ANKRD12: variants seen among roughly 807,000 people sequenced by gnomAD.
The protein encoded by ANKRD12 is ankyrin repeat domain-containing protein 12.
In ANKRD12, 85 loss-of-function variants were observed where a neutral mutation model predicts 183.4. The ratio of observed to expected loss-of-function variants is 0.46; its 90% CI spans 0.39 to 0.56. The LOEUF is 0.56. Among genes scored for constraint, ANKRD12 ranks in the 20% least tolerant of loss-of-function variants. ANKRD12 has a pLI of 0.00. For synonymous variants in ANKRD12, 914 were observed against 800.2 expected (o/e 1.14, Z -2.40); for missense variants, 2,405 against 2,357.1 (o/e 1.02, Z -0.42).
rs200351682 is a variant in ANKRD12 at position 9,241,891 on chromosome 18, G to GTT, written c.944-12307_944-12306dup. ...GCCCAAGAGTTTTAAATTCCAGGTA[G>GTT]TTTTTTTTTTTTTTCAAAAGAAAAA... On this transcript the variant is annotated intron_variant, in intron 8 of 12. Coordinates refer to ENST00000262126, the MANE Select transcript of ANKRD12 (RefSeq NM_015208.5). Among the ~76,000 whole-genome samples, 982 of 138,564 alleles carry GTT rather than the reference G, an allele frequency of 7.1e-3. 7 individuals are homozygous for GTT. Among genetic ancestry groups the GTT allele is most frequent in the Middle Eastern group, 0.019 (5 of 264 alleles). The allele number at this position is 138,564 out of a possible 152,430, so 90.9% of individuals were successfully genotyped here. A position where few individuals can be genotyped will look rare whatever the true frequency, so the allele number is the denominator to read the frequency against.
intron 2 of ANKRD12, among the ~76,000 whole-genome samples, chr18:9,188,322 A>G (rs1243529302): frequency 6.6e-6 from 1 of 152,204 alleles, no homozygotes; most frequent in African/African-American, 2.4e-5. Context: ...AGAAGGAGAC[A>G]TTATTACACT....
chr18:9,181,921 GAAAAT>G (rs1375996060), intron 1 of ANKRD12, among the ~76,000 whole-genome samples: 1 of 151,694 alleles, frequency 6.6e-6, no homozygotes, highest in African/African-American at 2.4e-5. Flanking sequence ...GTTCAGTAAA[GAAAAT>G]AAACTACTCT....
chr18:9,265,965 A>G (rs1387075957), intron 10 of ANKRD12, among the ~76,000 whole-genome samples: 3 of 152,216 alleles, frequency 2.0e-5, no homozygotes, highest in Admixed American at 6.5e-5. Context: ...CGAGAACTAC[A>G]TGACGAATGC....
At chr18:9,280,811 C>A in intron 12 of ANKRD12, 130 bp from the exon 13 acceptor site, 1 of 816,770 alleles carries the variant, frequency 1.2e-6, no homozygotes, top group South Asian at 1.7e-5. Context: ...AAGAAATGGA[C>A]TTGTAATTCA....
intron 1 of ANKRD12, among the ~76,000 whole-genome samples, chr18:9,171,163 G>A (rs138234284): frequency 0.011 from 1,625 of 152,240 alleles, 35 homozygotes; most frequent in African/African-American, 0.038. Context: ...GGACCCACTT[G>A]AGGAGGCAGT....
intron 1 of ANKRD12, among the ~76,000 whole-genome samples, chr18:9,162,367 A>G (rs973875164): frequency 6.6e-6 from 1 of 152,180 alleles, no homozygotes; most frequent in Non-Finnish European, 1.5e-5. Flanking sequence ...ATGTCTCTGC[A>G]AAGGACATGA....
At chr18:9,138,926 A>T (rs2078222144) in intron 1 of ANKRD12, among the ~76,000 whole-genome samples, 1 of 152,220 alleles carries the variant, frequency 6.6e-6, no homozygotes, top group South Asian at 2.1e-4. Context: ...TTAACTCGTT[A>T]TGTGTTTTAG....
intron 1 of ANKRD12, among the ~76,000 whole-genome samples, chr18:9,181,839 T>A (rs1415679952): frequency 6.6e-6 from 1 of 152,208 alleles, no homozygotes; most frequent in East Asian, 1.9e-4. Context: ...AAATAATGTA[T>A]ACAGTGGTGA....
chr18:9,193,586 T>G (rs2144372156), intron 2 of ANKRD12, among the ~76,000 whole-genome samples: 1 of 152,322 alleles, frequency 6.6e-6, no homozygotes, highest in African/African-American at 2.4e-5. Context: ...TTTGTTAATT[T>G]ATTTGCTCTT....
Position 9,149,958 on chromosome 18 carries a change from G to A in ANKRD12, c.-52+12993G>A, listed in dbSNP as rs1186176099. Reference sequence around the variant, plus strand: ...CTACAGGCATGCGCCCACCACGCCCGGCTAATTTTTGTATTTTTGGTAGAG... The same window carrying A: ...CTACAGGCATGCGCCCACCACGCCCAGCTAATTTTTGTATTTTTGGTAGAG... On this transcript the variant is annotated intron_variant, in intron 1 of 12. Coordinates refer to ENST00000262126, the MANE Select transcript of ANKRD12 (RefSeq NM_015208.5). Among the ~76,000 whole-genome samples the A allele has an allele frequency of 2.3e-4, 35 of 151,664 alleles. 1 individual carries two copies. Among genetic ancestry groups the A allele is most frequent in the Non-Finnish European group, 4.4e-5 (3 of 67,896 alleles).
chr18:9,154,841 G>T (rs889764924), intron 1 of ANKRD12, among the ~76,000 whole-genome samples: 3 of 152,212 alleles, frequency 2.0e-5, no homozygotes, highest in Non-Finnish European at 4.4e-5. Flanking sequence ...AAGATTAACA[G>T]AAAAGAGTTC....
intron 4 of ANKRD12, among the ~76,000 whole-genome samples, chr18:9,205,327 T>A (rs1202780178): frequency 7.0e-4 from 106 of 152,024 alleles, no homozygotes; most frequent in Non-Finnish European, 8.0e-4. Flanking sequence ...ATATGATTTT[T>A]TTTTAGTCCC....
chr18:9,212,369 A>C (rs747979045), intron 6 of ANKRD12, among the ~76,000 whole-genome samples: 2 of 151,978 alleles, frequency 1.3e-5, no homozygotes, highest in Non-Finnish European at 2.9e-5. Flanking sequence ...TTTATTATAT[A>C]TGTATAAAGC....
In ANKRD12 at chr18:9,258,298, G is replaced by T; in HGVS notation, c.5031G>T (p.Lys1677Asn). 6.2e-7 allele frequency: 1 copy of T among 1,613,714 alleles called. No individual in the cohort carries two copies. Among genetic ancestry groups the T allele is most frequent in the Non-Finnish European group, 8.5e-7 (1 of 1,179,922 alleles). Residue 1677 changes from lysine to asparagine, a missense_variant, in exon 9 of 13, where the codon AAG becomes AAT. By Grantham distance (94) the Lys-to-Asn change is moderately conservative. Coordinates refer to ENST00000262126, the MANE Select transcript of ANKRD12 (RefSeq NM_015208.5). ...CAAAACATTGTCCTGAAAGTGAAAA[G>T]TGTTTGCTTTCCATAGAAGATGAGG... Reference protein sequence around the residue: ...QDPKHCPESEKCLLSIEDEES... With the variant: ...QDPKHCPESENCLLSIEDEES...
In ANKRD12 at chr18:9,182,633, C is replaced by G. The variant is rs563193485; in HGVS notation, c.87+114C>G. The G allele has an allele frequency of 5.7e-5, 32 of 565,804 alleles. No individual in the cohort carries two copies. The South Asian group carries it at 8.6e-4, about 15-fold the overall frequency. 35.0% of individuals were successfully genotyped at this position (565,804 alleles called of 1,614,324 possible). A position where few individuals can be genotyped will look rare whatever the true frequency, so the allele number is the denominator to read the frequency against. ...AAACCAATATGGATGCCAGATAAAT[C>G]CAAACCATTTATGCCCTTTAGAAAT... On this transcript the variant is annotated intron_variant, in intron 2 of 12. Coordinates refer to ENST00000262126, the MANE Select transcript of ANKRD12 (RefSeq NM_015208.5).
At chr18:9,267,581 A>G (rs1405364892) in intron 10 of ANKRD12, among the ~76,000 whole-genome samples, 1 of 152,204 alleles carries the variant, frequency 6.6e-6, no homozygotes, top group African/African-American at 2.4e-5. Context: ...AACGAGAACA[A>G]AGACACAACA....
intron 2 of ANKRD12, among the ~76,000 whole-genome samples, chr18:9,186,144 T>C (rs1372005062): frequency 2.0e-5 from 3 of 151,120 alleles, no homozygotes; most frequent in African/African-American, 7.3e-5. Context: ...GTGATTTTTT[T>C]TTTTTTTTTT....
rs769299418 is a variant in ANKRD12 at position 9,255,421 on chromosome 18, A to G, written c.2154A>G (p.Leu718=). 3 of 1,573,076 alleles carry G rather than the reference A, an allele frequency of 1.9e-6. No individual in the cohort carries two copies. The Admixed American group carries it at 6.4e-5, about 33-fold the overall frequency. The part of the protein sequence containing the change: ...DLFLNMEHES[L]TLEKKSKLEK... ...TTTTAAATATGGAACATGAATCCTT[A>G]ACATTAGAAAAAAAATCAAAATTGG... is the stretch of plus-strand genomic sequence containing the variant. Residue 718 remains leucine (L), a synonymous_variant, in exon 9 of 13, where the codon TTA becomes TTG. Coordinates refer to ENST00000262126, the MANE Select transcript of ANKRD12 (RefSeq NM_015208.5).
At chr18:9,184,497 A>C (rs567646536) in intron 2 of ANKRD12, among the ~76,000 whole-genome samples, 1 of 151,992 alleles carries the variant, frequency 6.6e-6, no homozygotes, top group South Asian at 2.1e-4. Flanking sequence ...GGCTCAAGCA[A>C]TCCTTCCACC....
Sources: gnomAD v4.1 joint callset for allele counts (sites outside exome capture counted in the v4.1 genomes callset) on GRCh38, gnomAD v4.1.1 for gene constraint, MANE v1.5 for transcripts, NCBI Gene and HGNC (gene_info 2026-07-23, HGNC 2026-07-21) for gene names.